The following GNB1L variants were observed in gnomAD, a reference collection of about 807,000 sequenced individuals.
GNB1L encodes the protein guanine nucleotide-binding protein subunit beta-like protein 1.
Under a neutral mutation model 29.1 loss-of-function variants are expected in GNB1L, and 20 were observed. The observed-to-expected ratio is 0.69, with a 90% CI of 0.48 to 1.00. The LOEUF is 1.00. Ranked by LOEUF, GNB1L falls within the 50% of genes least tolerant of loss-of-function variation. The pLI is 0.00. For synonymous variants in GNB1L, 193 were observed against 206.5 expected (o/e 0.93, Z 0.56); for missense variants, 421 against 464.9 (o/e 0.91, Z 0.87).
At chr22:19,820,271 T>C (rs1323914974) in intron 4 of GNB1L, among the ~76,000 whole-genome samples, 1 of 152,122 alleles carries the variant, frequency 6.6e-6, no homozygotes, top group Non-Finnish European at 1.5e-5. Flanking sequence ...CCAGTGCCCT[T>C]GTGAAGGCCC....
chr22:19,835,677 A>T (rs889856994), intron 2 of GNB1L, among the ~76,000 whole-genome samples: 11 of 147,714 alleles, frequency 7.4e-5, no homozygotes, highest in Non-Finnish European at 1.4e-4. Flanking sequence ...CTGTCTCGAT[A>T]AAAAAAAAAA....
At position 19,812,372 on chromosome 22, in the gene GNB1L, C is replaced by CA; in HGVS notation, c.329dup (p.Leu110PhefsTer77). 1 of 1,613,394 alleles carries CA rather than the reference C, an allele frequency of 6.2e-7. No individual in the cohort carries two copies. The highest frequency in any genetic ancestry group is 2.2e-5 in the East Asian group (1 of 44,870). ...TGCTCCGGCAGAAGCCCACACTCTC[C>CA]AAGCACACGGAGTCCACGACAGCGC... On this transcript the variant is annotated frameshift_variant, in exon 5 of 8. Coordinates refer to ENST00000329517, the MANE Select transcript of GNB1L (RefSeq NM_053004.3). LOFTEE classifies it high-confidence loss of function.
chr22:19,846,379 C>T (rs1014684080), intron 2 of GNB1L: 32 of 974,948 alleles, frequency 3.3e-5, no homozygotes, highest in Admixed American at 1.2e-4. Flanking sequence ...TGAGAAACAG[C>T]ATCCCATACA....
intron 4 of GNB1L, among the ~76,000 whole-genome samples, chr22:19,813,987 TAAAATA>T (rs983544598): frequency 4.0e-5 from 6 of 151,622 alleles, no homozygotes; most frequent in African/African-American, 1.5e-4. Context: ...TCTCAAAAAA[TAAAATA>T]AAAATAAAAA....
At position 19,816,300 on chromosome 22, in the gene GNB1L, G is replaced by A. The variant is rs1273362928; in HGVS notation, c.255-3853C>T. ...CAGGGGTGTCAACCCTGATCGCCTG[G>A]TCAGGACCCATAGTTTTCAAAGGCT... On this transcript the variant is annotated intron_variant, in intron 4 of 7. Coordinates refer to ENST00000329517, the MANE Select transcript of GNB1L (RefSeq NM_053004.3). This position sits in a 1 kb window ranked among gnomAD's most constrained non-coding sequence, Gnocchi z 4.4. Among the ~76,000 whole-genome samples the A allele has an allele frequency of 6.6e-6, 1 of 152,186 alleles. No individual in the cohort carries two copies. Among genetic ancestry groups the A allele is most frequent in the Non-Finnish European group, 1.5e-5 (1 of 68,030 alleles).
rs556076802 is a variant in GNB1L, at chr22:19,822,321, G to C, written c.-20-946C>G. ...GGAGAGCTGCGGTCACAGATGAGCA[G>C]CTGTTCCCCAGACCACTGGGCCTGT... On this transcript the variant is annotated intron_variant, in intron 2 of 7. Transcript: ENST00000329517. 1.1e-3 allele frequency among the ~76,000 whole-genome samples: 162 copies of C among 152,264 alleles called. 1 individual carries two copies. Among genetic ancestry groups the C allele is most frequent in the African/African-American group, 3.3e-3 (137 of 41,540 alleles).
At chr22:19,802,835 C>T (rs150350231) in intron 6 of GNB1L, among the ~76,000 whole-genome samples, 10 of 152,350 alleles carry the variant, frequency 6.6e-5, no homozygotes, top group South Asian at 2.1e-4. Flanking sequence ...TGAATGAGGG[C>T]GCGGGTCAGA....
At chr22:19,793,007 C>T (rs1041452148) in intron 7 of GNB1L, 76 of 1,584,002 alleles carry the variant, frequency 4.8e-5, no homozygotes, top group South Asian at 7.7e-5. Flanking sequence ...GTCACTGGGG[C>T]GGCAACATCC....
intron 2 of GNB1L, chr22:19,847,341 C>T (rs1937984034): frequency 2.0e-6 from 2 of 985,346 alleles, no homozygotes; most frequent in South Asian, 4.7e-5. Context: ...AGGGTAACAG[C>T]TTTATTTGCC....
At chr22:19,802,559 G>C (rs554779420) in intron 6 of GNB1L, among the ~76,000 whole-genome samples, 1 of 152,318 alleles carries the variant, frequency 6.6e-6, no homozygotes, top group African/African-American at 2.4e-5. Context: ...TGCCCAAAGG[G>C]GTGATGCTGG....
Position 19,783,504 on chromosome 22 carries a change from C to A in GNB1L, c.*5205G>T. The A allele has an allele frequency of 4.3e-6, 1 of 230,936 alleles. No individual in the cohort carries two copies. Among genetic ancestry groups the A allele is most frequent in the Non-Finnish European group, 8.7e-6 (1 of 114,896 alleles). The allele number at this position is 230,936 out of a possible 1,614,324, so 14.3% of individuals were successfully genotyped here. ...GTTGGAGGCTGCAGTAAGCTATGAT[C>A]ATGCCACTGCACTCCAGCCTGGGTG... is the stretch of plus-strand genomic sequence containing the variant. On this transcript the variant is annotated 3_prime_UTR_variant, in exon 8 of 8. Coordinates refer to ENST00000329517, the MANE Select transcript of GNB1L (RefSeq NM_053004.3).
At chr22:19,849,372 G>GTTTT in intron 2 of GNB1L, 3 of 665,702 alleles carry the variant, frequency 4.5e-6, no homozygotes, top group Non-Finnish European at 5.5e-6. Flanking sequence ...GTTTTTTGTT[G>GTTTT]TTTTTTTTTT....
In GNB1L at chr22:19,847,803, G is replaced by GAAAAAAAAAAAAAAAA. The variant is rs1468350618; in HGVS notation, c.-21+6639_-21+6640insTTTTTTTTTTTTTTTT. 84 of 440,382 alleles carry GAAAAAAAAAAAAAAAA rather than the reference G, an allele frequency of 1.9e-4. 4 individuals carry two copies. In the East Asian group the frequency reaches 2.5e-3, roughly 13 times the overall value. The allele number at this position is 440,382 out of a possible 1,614,324, so 27.3% of individuals were successfully genotyped here. ...AACTTTTAAAATCCTGGAATCATAG[G>GAAAAAAAAAAAAAAAA]CAAAAAAAAAAAAAAAAAAAAATTC... On this transcript the variant is annotated intron_variant, in intron 2 of 7. Coordinates refer to ENST00000329517, the MANE Select transcript of GNB1L (RefSeq NM_053004.3).
At chr22:19,852,456 C>CT (rs1277386553) in intron 2 of GNB1L, 26 of 611,652 alleles carry the variant, frequency 4.3e-5, no homozygotes, top group East Asian at 4.2e-4. Context: ...AGCTGAGAGA[C>CT]TGTCAGTCGC....
At chr22:19,800,873 C>G (rs1347927711) in intron 7 of GNB1L, among the ~76,000 whole-genome samples, 2 of 152,244 alleles carry the variant, frequency 1.3e-5, no homozygotes, top group African/African-American at 4.8e-5. Flanking sequence ...GCTTCAAAGA[C>G]TCTGGTGGTG....
Position 19,809,715 on chromosome 22 carries a change from T to C in GNB1L, c.417+2570A>G, listed in dbSNP as rs76100185. 9.5e-3 allele frequency among the ~76,000 whole-genome samples: 1,445 copies of C among 152,250 alleles called. 26 individuals are homozygous for C. Among genetic ancestry groups the C allele is most frequent in the African/African-American group, 0.033 (1,385 of 41,540 alleles). On this transcript the variant is annotated intron_variant, in intron 5 of 7. Coordinates refer to ENST00000329517, the MANE Select transcript of GNB1L (RefSeq NM_053004.3). ...ACCGAGGAAGCGAAACACACCTCCA[T>C]TGCACGCCCCGGGAGGGGATAAGGG...
intron 2 of GNB1L, among the ~76,000 whole-genome samples, chr22:19,842,594 C>T (rs1342978616): frequency 6.6e-6 from 1 of 152,234 alleles, no homozygotes; most frequent in African/African-American, 2.4e-5. Flanking sequence ...CAAGGGAGGC[C>T]AGACCTGCCA....
intron 2 of GNB1L, chr22:19,848,864 G>C (rs760581371): frequency 1.2e-5 from 12 of 985,320 alleles, no homozygotes; most frequent in Non-Finnish European, 1.4e-5. Context: ...GATGGGGAAG[G>C]TGGCCTGTCC....
At chr22:19,852,277 G>C in intron 2 of GNB1L, 6 of 1,584,548 alleles carry the variant, frequency 3.8e-6, no homozygotes, top group Non-Finnish European at 5.2e-6. Flanking sequence ...GAGCACAGGG[G>C]AGAAGAGAGG....
Sources: allele counts gnomAD v4.1 joint callset (sites outside exome capture counted in the v4.1 genomes callset), GRCh38; gene constraint gnomAD v4.1.1; non-coding constraint Gnocchi (gnomAD v3.1); transcripts MANE v1.5; gene names NCBI Gene and HGNC (gene_info 2026-07-23, HGNC 2026-07-21).